The following ITGB8 variants were observed in gnomAD, a reference collection of about 807,000 sequenced individuals.
The protein encoded by ITGB8 is integrin subunit beta 8.
ITGB8 carries 30 observed loss-of-function variants against 89.5 expected under a neutral mutation model. The observed-to-expected ratio is 0.34, with a 90% CI of 0.25 to 0.45. The LOEUF is 0.45. Among genes scored for constraint, ITGB8 ranks in the 20% least tolerant of loss-of-function variants. The pLI is 1.00. For synonymous variants in ITGB8, 335 were observed against 320.4 expected (o/e 1.05, Z -0.49); for missense variants, 836 against 933.3 (o/e 0.90, Z 1.36).
chr7:20,356,142 C>G (rs764729895), intron 1 of ITGB8, among the ~76,000 whole-genome samples: 1 of 152,162 alleles, frequency 6.6e-6, no homozygotes, highest in African/African-American at 2.4e-5. Flanking sequence ...TAACATTTAA[C>G]TGACTTTTGT....
rs778638265 is a variant in ITGB8 at position 20,363,670 on chromosome 7, C to G, written c.161C>G (p.Ser54Cys). The change falls in exon 2 of 14, where the codon TCC (serine) becomes TGC (cysteine). Residue 54 changes from serine (S) to cysteine (C), a missense_variant. Coordinates refer to ENST00000222573, the MANE Select transcript of ITGB8 (RefSeq NM_002214.3). ...DNRCASSNAA[S>C]CARCLALGPE... ...AGATGTGCATCTTCAAATGCAGCAT[C>G]CTGTGCCAGGTGCCTTGCGCTGGGT... The G allele has an allele frequency of 2.5e-6, 4 of 1,604,568 alleles. No individual in the cohort carries two copies. The highest frequency in any genetic ancestry group is 3.4e-6 in the Non-Finnish European group (4 of 1,177,004).
Position 20,411,641 on chromosome 7 carries a change from T to G in ITGB8, c.*1644T>G, listed in dbSNP as rs1787765174. 1 of 152,632 alleles carries G rather than the reference T, an allele frequency of 6.6e-6. No individual in the cohort carries two copies. Among genetic ancestry groups the G allele is most frequent in the Non-Finnish European group, 1.5e-5 (1 of 68,034 alleles). 9.5% of individuals were successfully genotyped at this position (152,632 alleles called of 1,614,324 possible). A position where few individuals can be genotyped will look rare whatever the true frequency, so the allele number is the denominator to read the frequency against. On this transcript the variant is annotated 3_prime_UTR_variant, in exon 14 of 14. Coordinates refer to ENST00000222573, the MANE Select transcript of ITGB8 (RefSeq NM_002214.3). ...CTTTAAAATATTCAATTGGCAAATG[T>G]TTTTCAATGTGATTTACTCATGTCT...
chr7:20,369,643 A>G (rs1785849399), intron 3 of ITGB8, among the ~76,000 whole-genome samples: 1 of 152,242 alleles, frequency 6.6e-6, no homozygotes, highest in Non-Finnish European at 1.5e-5. Flanking sequence ...TTCAGTCGAT[A>G]GCATTTGATA....
Position 20,411,536 on chromosome 7 carries a change from G to C in ITGB8, c.*1539G>C, listed in dbSNP as rs1787762344. ...TCTCAGAAAACACTCAAGTGATAAA[G>C]TGGCCACATTGGAAAGGAGTTTTTA... On this transcript the variant is annotated 3_prime_UTR_variant, in exon 14 of 14. Transcript: ENST00000222573. The C allele has an allele frequency of 6.6e-6, 1 of 152,594 alleles. No individual in the cohort carries two copies. Among genetic ancestry groups the C allele is most frequent in the East Asian group, 1.9e-4 (1 of 5,190 alleles). The allele number at this position is 152,594 out of a possible 1,614,324, so 9.5% of individuals were successfully genotyped here. A position where few individuals can be genotyped will look rare whatever the true frequency, so the allele number is the denominator to read the frequency against.
At chr7:20,340,314 A>G (rs1784714741) in intron 1 of ITGB8, among the ~76,000 whole-genome samples, 1 of 152,258 alleles carries the variant, frequency 6.6e-6, no homozygotes, top group South Asian at 2.1e-4. Context: ...AGTACAGGGT[A>G]AGAAAGCAGA....
At chr7:20,370,247 A>G (rs1785872963) in intron 3 of ITGB8, among the ~76,000 whole-genome samples, 1 of 151,846 alleles carries the variant, frequency 6.6e-6, no homozygotes, top group South Asian at 2.1e-4. Flanking sequence ...TAACCTAATT[A>G]TGTAAACCAT....
In ITGB8 at chr7:20,333,316, T is replaced by G. The variant is rs543805576; in HGVS notation, c.127+1383T>G. Reference sequence around the variant, plus strand: ...GGCTTGTTTGTTGATTTCAAAATAGTGAAAAGGCAAAGGAAAAAGTAACAT... The same window carrying G: ...GGCTTGTTTGTTGATTTCAAAATAGGGAAAAGGCAAAGGAAAAAGTAACAT... On this transcript the variant is annotated intron_variant, in intron 1 of 13. Coordinates refer to ENST00000222573, the MANE Select transcript of ITGB8 (RefSeq NM_002214.3). Among the ~76,000 whole-genome samples, 33 of 152,286 alleles carry G rather than the reference T, an allele frequency of 2.2e-4. 1 individual carries two copies. The South Asian group carries it at 5.8e-3, about 27-fold the overall frequency.
At position 20,363,715 on chromosome 7, in the gene ITGB8, T is replaced by C; in HGVS notation, c.206T>C (p.Val69Ala). The C allele has an allele frequency of 6.4e-7, 1 of 1,571,654 alleles. No individual in the cohort carries two copies. Among genetic ancestry groups the C allele is most frequent in the South Asian group, 1.2e-5 (1 of 83,968 alleles). The change falls in exon 2 of 14, where the codon GTT (valine) becomes GCT (alanine). Residue 69 changes from valine to alanine, a missense_variant. Val to Ala is a moderately conservative substitution (Grantham distance 64, BLOSUM62 0). Around this residue, in one of 5 missense-constraint regions of ITGB8, gnomAD observed 182 missense variants for 177.0 expected, o/e 1.03. Coordinates refer to ENST00000222573, the MANE Select transcript of ITGB8 (RefSeq NM_002214.3). The part of the protein sequence containing the change: ...LALGPECGWC[V>A]QEDFISGGSR... ...CTGGGTCCAGAATGTGGATGGTGTG[T>C]TCAAGAGGTGTGCCATTTTTTTTTT...
At chr7:20,389,234 C>G (rs1307171258) in intron 6 of ITGB8, among the ~76,000 whole-genome samples, 1 of 152,188 alleles carries the variant, frequency 6.6e-6, no homozygotes, top group African/African-American at 2.4e-5. Context: ...CTAATTTACA[C>G]TCCCACCAAC....
intron 12 of ITGB8, among the ~76,000 whole-genome samples, chr7:20,406,675 C>G (rs1462593389): frequency 6.6e-6 from 1 of 152,098 alleles, no homozygotes; most frequent in Admixed American, 6.5e-5. Context: ...TTCATGTTCA[C>G]TGGCTCACTT....
intron 8 of ITGB8, among the ~76,000 whole-genome samples, chr7:20,397,951 CTTTT>C (rs1016098636): frequency 6.6e-6 from 1 of 151,022 alleles, no homozygotes; most frequent in Non-Finnish European, 1.5e-5. Flanking sequence ...TTCGTTTTTC[CTTTT>C]TTTTGTTTGT....
At chr7:20,347,863 A>C (rs1464241427) in intron 1 of ITGB8, among the ~76,000 whole-genome samples, 5 of 152,218 alleles carry the variant, frequency 3.3e-5, no homozygotes, top group Non-Finnish European at 7.4e-5. Flanking sequence ...AAATAGCCAA[A>C]GACATAACAA....
chr7:20,333,399 G>A (rs1371706752), intron 1 of ITGB8, among the ~76,000 whole-genome samples: 3 of 152,088 alleles, frequency 2.0e-5, no homozygotes, highest in Non-Finnish European at 4.4e-5. Flanking sequence ...CAAATTTTCC[G>A]CTAAGCATAA....
At chr7:20,343,281 G>A (rs1177024105) in intron 1 of ITGB8, among the ~76,000 whole-genome samples, 2 of 152,148 alleles carry the variant, frequency 1.3e-5, no homozygotes. Context: ...ATACTGTGTG[G>A]TTTTTAACAG....
intron 3 of ITGB8, among the ~76,000 whole-genome samples, chr7:20,375,928 A>G (rs1341376154): frequency 6.6e-6 from 1 of 152,208 alleles, no homozygotes; most frequent in Non-Finnish European, 1.5e-5. Context: ...AATTAATAAA[A>G]TTCTTTAGGT....
At chr7:20,374,350 A>G (rs1403217896) in intron 3 of ITGB8, among the ~76,000 whole-genome samples, 1 of 152,208 alleles carries the variant, frequency 6.6e-6, no homozygotes, top group Non-Finnish European at 1.5e-5. Context: ...TTCAGAGATG[A>G]AGAAACAGTT....
At chr7:20,330,147 G>A (rs989912868), upstream of ITGB8, among the ~76,000 whole-genome samples, 1 of 152,202 alleles carries the variant, frequency 6.6e-6, no homozygotes, top group Non-Finnish European at 1.5e-5. Context: ...GTCCAGTCCA[G>A]GGTTAAGGTT....
In ITGB8 at chr7:20,414,510, T is replaced by C. The variant is rs1787868031; in HGVS notation, c.*4513T>C. On this transcript the variant is annotated 3_prime_UTR_variant, in exon 14 of 14. Coordinates refer to ENST00000222573, the MANE Select transcript of ITGB8 (RefSeq NM_002214.3). ...TTAAACAAAATTAACTGGAAAAATATTACATGGAACTGTCATAGTTAGGTT... is the reference window on the plus strand; with the variant it reads ...TTAAACAAAATTAACTGGAAAAATACTACATGGAACTGTCATAGTTAGGTT... 1 of 152,576 alleles carries C rather than the reference T, an allele frequency of 6.6e-6. No individual in the cohort carries two copies. The highest frequency in any genetic ancestry group is 2.4e-5 in the African/African-American group (1 of 41,462). The allele number at this position is 152,576 out of a possible 1,614,324, so 9.5% of individuals were successfully genotyped here.
At chr7:20,359,037 T>C (rs1785400628) in intron 1 of ITGB8, among the ~76,000 whole-genome samples, 1 of 152,248 alleles carries the variant, frequency 6.6e-6, no homozygotes, top group Non-Finnish European at 1.5e-5. Flanking sequence ...GCAAAGGACA[T>C]GATTTTGCTC....
Sources: allele counts gnomAD v4.1 joint callset (sites outside exome capture counted in the v4.1 genomes callset), GRCh38; gene constraint gnomAD v4.1.1; regional missense constraint gnomAD v4.1.1; transcripts MANE v1.5; gene names NCBI Gene and HGNC (gene_info 2026-07-23, HGNC 2026-07-21).